The following ASB5 variants were observed in gnomAD, a reference collection of about 807,000 sequenced individuals.
ASB5 encodes the protein ankyrin repeat and SOCS box protein 5.
A neutral mutation model predicts 42.1 loss-of-function variants in ASB5; 45 were observed. That is an observed-to-expected ratio of 1.07 (90% CI 0.84 to 1.37). ASB5 has a LOEUF of 1.37. Among genes scored for constraint, ASB5 ranks in the 40% most tolerant of loss-of-function variants. The pLI, the probability that ASB5 is intolerant of heterozygous loss-of-function variation, is 0.00. For synonymous variants in ASB5, 147 were observed against 150.6 expected (o/e 0.98, Z 0.18); for missense variants, 402 against 399.8 (o/e 1.01, Z -0.05).
chr4:176,258,969 T>C (rs1005547439), intron 1 of ASB5, among the ~76,000 whole-genome samples: 20 of 151,954 alleles, frequency 1.3e-4, no homozygotes, highest in Non-Finnish European at 2.4e-4. Flanking sequence ...TCAGTAAAGG[T>C]TTTTTTTCTC....
At chr4:176,239,171 T>A (rs976286386) in intron 1 of ASB5, among the ~76,000 whole-genome samples, 1 of 152,218 alleles carries the variant, frequency 6.6e-6, no homozygotes, top group African/African-American at 2.4e-5. Context: ...CAGTCCAGCA[T>A]ATTTACATGA....
chr4:176,224,562 G>A (rs6844115), intron 2 of ASB5, among the ~76,000 whole-genome samples: 31,935 of 150,088 alleles, frequency 0.21, 3,465 homozygotes, highest in African/African-American at 0.26. Flanking sequence ...TAGTAGAGAT[G>A]GAGTTTCACC....
chr4:176,223,691 G>T (rs1482267257), intron 2 of ASB5, among the ~76,000 whole-genome samples: 2 of 152,198 alleles, frequency 1.3e-5, no homozygotes, highest in Non-Finnish European at 2.9e-5. Context: ...CTAGCCAGCA[G>T]TCAGACCTGG....
intron 1 of ASB5, among the ~76,000 whole-genome samples, chr4:176,243,042 A>C (rs1260549693): frequency 6.6e-6 from 1 of 152,210 alleles, no homozygotes; most frequent in Non-Finnish European, 1.5e-5. Flanking sequence ...TTTCTTTTAC[A>C]TAACATCAAA....
At position 176,215,648 on chromosome 4, in the gene ASB5, TG is replaced by T. The variant is rs1268038584; in HGVS notation, c.941del (p.Pro314HisfsTer9). On this transcript the variant is annotated frameshift_variant, in exon 7 of 7. Transcript: ENST00000296525. LOFTEE classifies it high-confidence loss of function. ...YIGKPRLHLI[P>X]QLQLPTLLKN... ...TCAGTAACGTTGGCAGCTGGAGTTG[TG>T]GGATAAGGTGCAATCTTGGTTTTCC... is the stretch of plus-strand genomic sequence containing the variant. 2.5e-6 allele frequency: 4 copies of T among 1,613,266 alleles called. No individual in the cohort carries two copies. Among genetic ancestry groups the T allele is most frequent in the Non-Finnish European group, 3.4e-6 (4 of 1,179,576 alleles).
rs536879411 is a variant in ASB5 at position 176,249,848 on chromosome 4, G to A, written c.196+19065C>T. On this transcript the variant is annotated intron_variant, in intron 1 of 6. Transcript: ENST00000296525. ...TGGGAGGCCGAGGCGGGTGGATCAC[G>A]AGGTCAGGAGATGGAGACCATCCTG... Among the ~76,000 whole-genome samples, 9 of 151,960 alleles carry A rather than the reference G, an allele frequency of 5.9e-5. No homozygotes were observed. The South Asian group carries it at 8.3e-4, about 14-fold the overall frequency.
intron 1 of ASB5, among the ~76,000 whole-genome samples, chr4:176,260,848 T>C (rs1754255190): frequency 6.6e-6 from 1 of 152,064 alleles, no homozygotes; most frequent in African/African-American, 2.4e-5. Flanking sequence ...AGCTAATTCT[T>C]GTATTTTTAG....
intron 1 of ASB5, among the ~76,000 whole-genome samples, chr4:176,243,724 G>A (rs377154495): frequency 1.4e-4 from 21 of 152,108 alleles, no homozygotes; most frequent in African/African-American, 5.1e-4. Flanking sequence ...GGCTGGTCTC[G>A]AACCGCTGAG....
chr4:176,237,022 AC>A (rs2126959861), intron 1 of ASB5, among the ~76,000 whole-genome samples: 1 of 152,312 alleles, frequency 6.6e-6, no homozygotes, highest in African/African-American at 2.4e-5. Context: ...TTCCATACCA[AC>A]TTAGAAACAC....
upstream of ASB5, among the ~76,000 whole-genome samples, chr4:176,269,693 ATAACT>A (rs1451102398): frequency 1.3e-5 from 2 of 152,216 alleles, no homozygotes; most frequent in Non-Finnish European, 2.9e-5. Flanking sequence ...TCACAGATTA[ATAACT>A]TAACACGGTT....
At chr4:176,266,386 ATC>A (rs1754355961) in intron 1 of ASB5, among the ~76,000 whole-genome samples, 1 of 152,170 alleles carries the variant, frequency 6.6e-6, no homozygotes. Context: ...GAAGGTGATA[ATC>A]TCTCCCAGGA....
intron 1 of ASB5, among the ~76,000 whole-genome samples, chr4:176,241,863 G>T (rs1298114366): frequency 6.6e-6 from 1 of 152,138 alleles, no homozygotes; most frequent in Non-Finnish European, 1.5e-5. Flanking sequence ...GAATGGAGTG[G>T]TGATCTGGAA....
intron 5 of ASB5, among the ~76,000 whole-genome samples, chr4:176,219,567 A>G (rs1391684584): frequency 6.9e-5 from 3 of 43,306 alleles, no homozygotes; most frequent in Non-Finnish European, 1.5e-4. Context: ...ATATGTATAT[A>G]TTTGTATGAT....
chr4:176,273,806 A>G (rs187167578), upstream of ASB5, among the ~76,000 whole-genome samples: 1 of 152,252 alleles, frequency 6.6e-6, no homozygotes, highest in Admixed American at 6.5e-5. Context: ...TTCTGCATAT[A>G]TAAGAGTTTA....
intron 5 of ASB5, among the ~76,000 whole-genome samples, chr4:176,220,517 T>C (rs1753173838): frequency 6.6e-6 from 1 of 152,124 alleles, no homozygotes; most frequent in South Asian, 2.1e-4. Context: ...AAAAAAGGTA[T>C]GATCCAAATC....
At position 176,217,022 on chromosome 4, in the gene ASB5, C is replaced by T. The variant is rs191176449; in HGVS notation, c.671-13G>A. On this transcript the variant is annotated splice_polypyrimidine_tract_variant and intron_variant, in intron 5 of 6. Coordinates refer to ENST00000296525, the MANE Select transcript of ASB5 (RefSeq NM_080874.4). ...TGTACGTCAGCACCTACATGTAATA[C>T]GGAGTGAAGATAAATATAAATAAAA... 79 of 1,560,438 alleles carry T rather than the reference C, an allele frequency of 5.1e-5. No individual in the cohort carries two copies. Among genetic ancestry groups the T allele is most frequent in the East Asian group, 2.0e-4 (9 of 43,930 alleles).
rs1013900737 is a variant in ASB5, at chr4:176,214,184, G to A, written c.*1416C>T. 3 of 151,986 alleles carry A rather than the reference G, an allele frequency of 2.0e-5. No homozygotes were observed. Among genetic ancestry groups the A allele is most frequent in the African/African-American group, 7.2e-5 (3 of 41,418 alleles). The allele number at this position is 151,986 out of a possible 1,614,324, so 9.4% of individuals were successfully genotyped here. ...TGCCAAAATGCAAGCTTAGTGATCT[G>A]GGGGTCACATACAATCATAATTTAT... On this transcript the variant is annotated 3_prime_UTR_variant, in exon 7 of 7. Coordinates refer to ENST00000296525, the MANE Select transcript of ASB5 (RefSeq NM_080874.4).
chr4:176,248,755 T>C (rs1241965385), intron 1 of ASB5, among the ~76,000 whole-genome samples: 1 of 152,138 alleles, frequency 6.6e-6, no homozygotes, highest in Non-Finnish European at 1.5e-5. Flanking sequence ...TCAATTAATA[T>C]AGGGTTCAAA....
intron 1 of ASB5, among the ~76,000 whole-genome samples, chr4:176,231,648 A>C (rs1388092604): frequency 7.6e-6 from 1 of 131,382 alleles, no homozygotes; most frequent in African/African-American, 3.0e-5. Context: ...CATAGTGAGA[A>C]CTTGTCTCTG....
Sources: allele counts gnomAD v4.1 joint callset (sites outside exome capture counted in the v4.1 genomes callset), GRCh38; gene constraint gnomAD v4.1.1; transcripts MANE v1.5; gene names NCBI Gene and HGNC (gene_info 2026-07-23, HGNC 2026-07-21).